DCLK1: variants seen among roughly 807,000 people sequenced by gnomAD.
The protein encoded by DCLK1 is doublecortin like kinase 1.
A neutral mutation model predicts 86.2 loss-of-function variants in DCLK1; 16 were observed. The ratio of observed to expected loss-of-function variants is 0.19; its 90% CI spans 0.13 to 0.28. DCLK1 has a LOEUF of 0.28. Among genes scored for constraint, DCLK1 ranks in the 10% least tolerant of loss-of-function variants. The pLI is 1.00. For missense variants in DCLK1, 590 were observed against 940.2 expected (o/e 0.63, Z 4.87); for synonymous variants, 369 against 370.5 (o/e 1.00, Z 0.05).
intron 4 of DCLK1, among the ~76,000 whole-genome samples, chr13:35,884,983 C>A (rs775393847): frequency 6.6e-6 from 1 of 152,158 alleles, no homozygotes; most frequent in Non-Finnish European, 1.5e-5. Flanking sequence ...GCAAGATGAG[C>A]CTGCCTTGTT....
chr13:35,953,153 C>A (rs1386571265), intron 3 of DCLK1, among the ~76,000 whole-genome samples: 3 of 152,138 alleles, frequency 2.0e-5, no homozygotes, highest in Non-Finnish European at 2.9e-5. Context: ...ACACTGAATC[C>A]TTTCAACTCT....
At chr13:35,825,453 G>A (rs1248118863) in intron 10 of DCLK1, among the ~76,000 whole-genome samples, 1 of 152,126 alleles carries the variant, frequency 6.6e-6, no homozygotes, top group Non-Finnish European at 1.5e-5. Context: ...TAAGTGCAAC[G>A]AGGACCTTAC....
At chr13:35,935,128 C>A (rs1351014484) in intron 4 of DCLK1, among the ~76,000 whole-genome samples, 1 of 152,116 alleles carries the variant, frequency 6.6e-6, no homozygotes, top group African/African-American at 2.4e-5. Flanking sequence ...GCAATATGAG[C>A]AAAAGCAGAT....
chr13:35,840,342 G>T (rs1283284609), intron 6 of DCLK1, among the ~76,000 whole-genome samples: 1 of 152,162 alleles, frequency 6.6e-6, no homozygotes, highest in African/African-American at 2.4e-5. Flanking sequence ...TCATTAAAAA[G>T]ATTAATAGAG....
intron 3 of DCLK1, among the ~76,000 whole-genome samples, chr13:35,977,902 T>A (rs989822770): frequency 5.3e-5 from 8 of 152,056 alleles, no homozygotes; most frequent in Non-Finnish European, 1.2e-4. Context: ...GAAGCCATCA[T>A]AAGTTAATAG....
chr13:35,942,189 C>T lies in DCLK1; in HGVS notation c.823+5169G>A, dbSNP rs531470556. Among the ~76,000 whole-genome samples the T allele has an allele frequency of 5.3e-5, 8 of 151,804 alleles. 1 individual carries two copies. The South Asian group carries it at 8.3e-4, about 16-fold the overall frequency. On this transcript the variant is annotated intron_variant, in intron 4 of 16. Coordinates refer to ENST00000360631, the MANE Select transcript of DCLK1 (RefSeq NM_001330071.2). ...GACATTTTTTTTTTGTTTTTTGAGACGGAGTCTTGATCTGTTGCCTAGGCT... is the reference window on the plus strand; with the variant it reads ...GACATTTTTTTTTTGTTTTTTGAGATGGAGTCTTGATCTGTTGCCTAGGCT...
intron 3 of DCLK1, among the ~76,000 whole-genome samples, chr13:35,958,118 C>CACT (rs1566620523): frequency 2.1e-5 from 2 of 94,094 alleles, no homozygotes; most frequent in East Asian, 3.8e-4. Flanking sequence ...CCATCACCAC[C>CACT]ACCACTACCA....
chr13:35,888,270 A>G (rs1873416058), intron 4 of DCLK1, among the ~76,000 whole-genome samples: 1 of 152,202 alleles, frequency 6.6e-6, no homozygotes. Flanking sequence ...CACCCTCTTC[A>G]TGAACAATTT....
chr13:35,941,413 C>T (rs971181893), intron 4 of DCLK1, among the ~76,000 whole-genome samples: 2 of 152,152 alleles, frequency 1.3e-5, no homozygotes, highest in South Asian at 2.1e-4. Context: ...GGGTACCCAA[C>T]ACCATGGTGA....
intron 3 of DCLK1, among the ~76,000 whole-genome samples, chr13:36,014,294 CGT>C (rs1881440897): frequency 6.6e-6 from 1 of 152,202 alleles, no homozygotes; most frequent in African/African-American, 2.4e-5. Context: ...TGTTTGAAAA[CGT>C]GAACAGGCTT....
At chr13:36,003,516 A>G (rs1185942150) in intron 3 of DCLK1, among the ~76,000 whole-genome samples, 1 of 152,252 alleles carries the variant, frequency 6.6e-6, no homozygotes, top group Admixed American at 6.5e-5. Context: ...TTGAAGATAC[A>G]AGAAATATTT....
intron 3 of DCLK1, among the ~76,000 whole-genome samples, chr13:36,022,520 A>G (rs1881825499): frequency 6.6e-6 from 1 of 152,120 alleles, no homozygotes; most frequent in African/African-American, 2.4e-5. Flanking sequence ...TAGCTAGAAA[A>G]AAAAACTTAT....
intron 3 of DCLK1, among the ~76,000 whole-genome samples, chr13:36,091,835 T>C (rs982035947): frequency 1.1e-4 from 16 of 152,220 alleles, no homozygotes; most frequent in African/African-American, 3.6e-4. Context: ...GGCATCATTT[T>C]CTAACTACTT....
At chr13:35,992,666 A>G (rs1450908164) in intron 3 of DCLK1, among the ~76,000 whole-genome samples, 4 of 152,284 alleles carry the variant, frequency 2.6e-5, no homozygotes, top group Admixed American at 1.3e-4. Context: ...ATTGTTGACC[A>G]GTATGATCAT....
intron 4 of DCLK1, among the ~76,000 whole-genome samples, chr13:35,915,932 C>T (rs575826297): frequency 2.5e-3 from 387 of 152,192 alleles, no homozygotes; most frequent in African/African-American, 8.8e-3. Flanking sequence ...CTGACACATC[C>T]GTTTGCAAAG....
At chr13:36,031,820 G>A (rs1177843939) in intron 3 of DCLK1, among the ~76,000 whole-genome samples, 3 of 152,180 alleles carry the variant, frequency 2.0e-5, no homozygotes, top group Admixed American at 6.5e-5. Context: ...TGCTTTGCAC[G>A]TGGCTTCTAC....
intron 3 of DCLK1, among the ~76,000 whole-genome samples, chr13:36,086,522 G>C (rs1884609962): frequency 6.7e-6 from 1 of 150,272 alleles, no homozygotes; most frequent in South Asian, 2.1e-4. Flanking sequence ...TGTTACATAG[G>C]TATACATGTG....
At chr13:35,828,412 G>T in intron 8 of DCLK1, 105 bp from the exon 9 acceptor site, 1 of 888,424 alleles carries the variant, frequency 1.1e-6, no homozygotes, top group Non-Finnish European at 1.7e-6. Flanking sequence ...GCATCATGTT[G>T]TAAATATTTT....
intron 3 of DCLK1, among the ~76,000 whole-genome samples, chr13:35,956,006 C>T (rs1480116807): frequency 6.6e-6 from 1 of 152,162 alleles, no homozygotes; most frequent in Non-Finnish European, 1.5e-5. Context: ...CAAGTTAATA[C>T]CACATCAGTC....
Sources: allele counts gnomAD v4.1 joint callset (sites outside exome capture counted in the v4.1 genomes callset), GRCh38; gene constraint gnomAD v4.1.1; transcripts MANE v1.5; gene names NCBI Gene and HGNC (gene_info 2026-07-23, HGNC 2026-07-21).